LHFPL3: variants seen among roughly 807,000 people sequenced by gnomAD.
The protein encoded by LHFPL3 is LHFPL tetraspan subfamily member 3.
In LHFPL3, 5 loss-of-function variants were observed where a neutral mutation model predicts 19.3. The ratio of observed to expected loss-of-function variants is 0.26; its 90% CI spans 0.14 to 0.54. The LOEUF (loss-of-function observed/expected upper bound fraction) is 0.54, where lower values mean the gene tolerates loss of function less well. Among genes scored for constraint, LHFPL3 ranks in the 20% least tolerant of loss-of-function variants. The probability of loss-of-function intolerance (pLI) is 0.94; values close to 1 mark genes in which losing one functional copy is unlikely to be tolerated. For synonymous variants in LHFPL3, 133 were observed against 126.2 expected, an observed-to-expected ratio of 1.05 and a Z score of -0.36; for missense variants, 249 against 307.4, an observed-to-expected ratio of 0.81 and a Z score of 1.42.
intron 2 of LHFPL3, among the ~76,000 whole-genome samples, chr7:104,778,438 A>G (rs1270698456): frequency 6.6e-6 from 1 of 152,224 alleles, no homozygotes; most frequent in Non-Finnish European, 1.5e-5. Flanking sequence ...ACCACTCCAG[A>G]GACTTACCCA....
At chr7:104,668,509 A>C (rs1200700031) in intron 1 of LHFPL3, 2 of 1,613,190 alleles carry the variant, frequency 1.2e-6, no homozygotes, top group East Asian at 2.2e-5. Context: ...CGGGATCGCT[A>C]TGATGACCGA....
chr7:104,568,672 C>A (rs1354768092), intron 1 of LHFPL3, among the ~76,000 whole-genome samples: 2 of 152,184 alleles, frequency 1.3e-5, no homozygotes, highest in Non-Finnish European at 2.9e-5. Flanking sequence ...ATATGCTGTG[C>A]TGAGAATCAT....
At chr7:104,558,643 G>C (rs1789916231) in intron 1 of LHFPL3, among the ~76,000 whole-genome samples, 1 of 150,920 alleles carries the variant, frequency 6.6e-6, no homozygotes, top group Admixed American at 6.6e-5. Context: ...TGTTCACTCT[G>C]ATGGTAGTTT....
intron 1 of LHFPL3, among the ~76,000 whole-genome samples, chr7:104,341,522 C>A (rs1328706642): frequency 6.6e-6 from 1 of 152,194 alleles, no homozygotes; most frequent in African/African-American, 2.4e-5. Context: ...CTGATTTTGA[C>A]AAGAGAACTT....
At chr7:104,408,695 A>T (rs1289879732) in intron 1 of LHFPL3, among the ~76,000 whole-genome samples, 1 of 152,144 alleles carries the variant, frequency 6.6e-6, no homozygotes. Flanking sequence ...GTTACACTCC[A>T]CATGCCAATG....
At chr7:104,647,425 T>C (rs992548843) in intron 1 of LHFPL3, among the ~76,000 whole-genome samples, 7 of 152,334 alleles carry the variant, frequency 4.6e-5, no homozygotes, top group Admixed American at 2.0e-4. Flanking sequence ...TGAATGAAGA[T>C]GGGATTGGGA....
At chr7:104,398,035 T>C (rs1791227786) in intron 1 of LHFPL3, among the ~76,000 whole-genome samples, 1 of 151,202 alleles carries the variant, frequency 6.6e-6, no homozygotes, top group Non-Finnish European at 1.5e-5. Flanking sequence ...ATTTTTGACA[T>C]GGGTATTATC....
chr7:104,622,007 C>T (rs554210883), intron 1 of LHFPL3, among the ~76,000 whole-genome samples: 2 of 152,176 alleles, frequency 1.3e-5, no homozygotes, highest in Non-Finnish European at 2.9e-5. Flanking sequence ...ATTAAATACC[C>T]CTGATTTCTA....
intron 1 of LHFPL3, among the ~76,000 whole-genome samples, chr7:104,356,535 C>T (rs73712108): frequency 0.049 from 7,444 of 152,070 alleles, 600 homozygotes; most frequent in African/African-American, 0.17. Context: ...ACCTTTAATG[C>T]ATCTTGGAAC....
intron 1 of LHFPL3, among the ~76,000 whole-genome samples, chr7:104,357,317 C>T (rs1178372255): frequency 6.6e-6 from 1 of 152,182 alleles, no homozygotes; most frequent in Non-Finnish European, 1.5e-5. Flanking sequence ...GCAATTTTGA[C>T]AGCCAGCTAC....
intron 2 of LHFPL3, among the ~76,000 whole-genome samples, chr7:104,827,892 A>C (rs1048670204): frequency 6.6e-6 from 1 of 151,914 alleles, no homozygotes; most frequent in Non-Finnish European, 1.5e-5. Context: ...CTCACAAAGG[A>C]GGCTAGACCC....
At chr7:104,864,661 T>C (rs1170352093) in intron 2 of LHFPL3, among the ~76,000 whole-genome samples, 1 of 152,220 alleles carries the variant, frequency 6.6e-6, no homozygotes, top group African/African-American at 2.4e-5. Context: ...ACTCCATCTC[T>C]GGGGGCAGGC....
intron 1 of LHFPL3, among the ~76,000 whole-genome samples, chr7:104,708,650 TAC>T (rs1261230702): frequency 1.3e-5 from 2 of 151,928 alleles, no homozygotes; most frequent in African/African-American, 2.4e-5. Context: ...TCCTCCCCAC[TAC>T]ACACACACAC....
chr7:104,670,155 T>A (rs71540949), intron 1 of LHFPL3, among the ~76,000 whole-genome samples: 20,963 of 149,376 alleles, frequency 0.14, 1,567 homozygotes, highest in Non-Finnish European at 0.17. Context: ...TTTTTTTTTT[T>A]ACCCCCAAGG....
intron 1 of LHFPL3, among the ~76,000 whole-genome samples, chr7:104,417,587 T>C (rs1172248134): frequency 6.6e-6 from 1 of 152,216 alleles, no homozygotes; most frequent in East Asian, 1.9e-4. Flanking sequence ...ACTTTTTAGG[T>C]ATTAGTCTTT....
In LHFPL3 at chr7:104,379,675, G is replaced by C. The variant is rs146299558; in HGVS notation, c.445+50451G>C. 2.1e-3 allele frequency among the ~76,000 whole-genome samples: 314 copies of C among 152,272 alleles called. 2 individuals carry two copies. Among genetic ancestry groups the C allele is most frequent in the African/African-American group, 7.3e-3 (303 of 41,556 alleles). On this transcript the variant is annotated intron_variant, in intron 1 of 2. Transcript: ENST00000424859. ...TCAGTCAATGCTCCTAGGGCAAGAT[G>C]TAAGAAAAAAGAAAACCAACATGAA...
At chr7:104,585,480 A>AACACACACAC (rs57028058) in intron 1 of LHFPL3, among the ~76,000 whole-genome samples, 9,074 of 123,326 alleles carry the variant, frequency 0.074, 538 homozygotes, top group African/African-American at 0.1. Flanking sequence ...AACACACACA[A>AACACACACAC]ACACACACAC....
intron 1 of LHFPL3, among the ~76,000 whole-genome samples, chr7:104,708,065 A>T (rs1326788629): frequency 6.6e-6 from 1 of 152,148 alleles, no homozygotes; most frequent in African/African-American, 2.4e-5. Flanking sequence ...CCCTTGAACT[A>T]TTTTCCCCTT....
intron 1 of LHFPL3, among the ~76,000 whole-genome samples, chr7:104,569,669 A>G (rs1158168193): frequency 6.6e-6 from 1 of 152,202 alleles, no homozygotes; most frequent in African/African-American, 2.4e-5. Flanking sequence ...GATGGCTAAT[A>G]TTTTTATATG....
Sources: allele counts gnomAD v4.1 joint callset (sites outside exome capture counted in the v4.1 genomes callset), GRCh38; gene constraint gnomAD v4.1.1; transcripts MANE v1.5; gene names NCBI Gene and HGNC (gene_info 2026-07-23, HGNC 2026-07-21).